The following FTSJ3 variants were observed in gnomAD, a reference collection of about 807,000 sequenced individuals.
The protein encoded by FTSJ3 is FtsJ RNA 2'-O-methyltransferase 3, also known as pre-rRNA 2'-O-ribose RNA methyltransferase FTSJ3.
FTSJ3 carries 46 observed loss-of-function variants against 111.5 expected under a neutral mutation model. That is an observed-to-expected ratio of 0.41 (90% confidence interval 0.33 to 0.53). The LOEUF (loss-of-function observed/expected upper bound fraction) is 0.53, where lower values mean the gene tolerates loss of function less well. Ranked by LOEUF, FTSJ3 falls within the 20% of genes least tolerant of loss-of-function variation. The pLI, the probability that FTSJ3 is intolerant of heterozygous loss-of-function variation, is 0.19. For synonymous variants in FTSJ3, 408 were observed against 383.0 expected (o/e 1.07, Z -0.76); for missense variants, 1,075 against 1,063.8 (o/e 1.01, Z -0.15).
chr17:63,826,910 AG>A lies in FTSJ3; in HGVS notation c.-9del, dbSNP rs779021012. 11 of 1,612,546 alleles carry A rather than the reference AG, an allele frequency of 6.8e-6. No individual in the cohort carries two copies. The highest frequency in any genetic ancestry group is 9.3e-6 in the Non-Finnish European group (11 of 1,178,720). On this transcript the variant is annotated 5_prime_UTR_variant, in exon 2 of 21. Transcript: ENST00000427159. The stretch of plus-strand genomic sequence containing the variant: ...TTTGCCCTTCTTGCCCATGGTGGAA[AG>A]GGGGAGTATCCCTCAATCTGGGGAG...
rs760234926 is a variant in FTSJ3, at chr17:63,820,103, C to T, written c.2327G>A (p.Arg776Gln). The T allele has an allele frequency of 1.2e-5, 20 of 1,614,130 alleles. No homozygotes were observed. The highest frequency in any genetic ancestry group is 2.2e-5 in the East Asian group (1 of 44,874). The change falls in exon 20 of 21, where the codon CGA (arginine) becomes CAA (glutamine). Residue 776 changes from arginine to glutamine, a missense_variant. Around this residue, in one of 2 missense-constraint regions of FTSJ3, gnomAD observed 867 missense variants for 796.9 expected, o/e 1.09. Coordinates refer to ENST00000427159, the MANE Select transcript of FTSJ3 (RefSeq NM_017647.4). ...CCTTCGCAGCTGTGCCACTTTCTCT[C>T]GTTCTGAGATGTCCACTGTGTTCAC... ...AVVNTVDISE[R>Q]EKVAQLRSLY...
rs755840451 is a variant in FTSJ3 at position 63,824,816 on chromosome 17, G to A, written c.816+9C>T. ...GGCTACCTCATGTCCCTCAAGGCTG[G>A]AGACTCACTTCGCTGGCCTTGGAGA... On this transcript the variant is annotated intron_variant, in intron 9 of 20. Transcript: ENST00000427159. 2.5e-6 allele frequency: 4 copies of A among 1,611,480 alleles called. No individual in the cohort carries two copies. In the South Asian group the frequency reaches 4.4e-5, roughly 18 times the overall value.
chr17:63,825,939 G>A, intron 5 of FTSJ3, 117 bp downstream of exon 5: 1 of 812,598 alleles, frequency 1.2e-6, no homozygotes, highest in Non-Finnish European at 2.0e-6. Flanking sequence ...TTGTCGTACA[G>A]ATGTCAGGCA....
At chr17:63,821,955 A>C (rs1598349197) in intron 14 of FTSJ3, 29 bp downstream of exon 14, 1 of 1,612,856 alleles carries the variant, frequency 6.2e-7, no homozygotes, top group Non-Finnish European at 8.5e-7. Context: ...GAGTGGCAGC[A>C]TTCCCTTTGG....
In FTSJ3 at chr17:63,824,452, T is replaced by C. The variant is rs2040079090; in HGVS notation, c.918-41A>G. The C allele has an allele frequency of 2.5e-6, 4 of 1,601,970 alleles. No homozygotes were observed. In the East Asian group the frequency reaches 8.9e-5, roughly 36 times the overall value. On this transcript the variant is annotated intron_variant, in intron 10 of 20. Transcript: ENST00000427159. The stretch of plus-strand genomic sequence containing the variant: ...TATTACTGATCTTGCCATCTCCCTC[T>C]TTGTCCCCGCCCCCTTCTGTTTTAG...
rs2727287 is a variant in FTSJ3, at chr17:63,827,368, G to A, written c.-343C>T. 879,542 of 1,386,338 alleles carry A rather than the reference G, an allele frequency of 0.63. 283,208 individuals are homozygous for A. The highest frequency in any genetic ancestry group is 0.9 in the African/African-American group (62,703 of 69,816). The allele number at this position is 1,386,338 out of a possible 1,614,324, so 85.9% of individuals were successfully genotyped here. A position where few individuals can be genotyped will look rare whatever the true frequency, so the allele number is the denominator to read the frequency against. ...ATCATGGTTCCCTTAGTGTGGTCTC[G>A]CCGCACACCCCGCCCATTGACCCGG... On this transcript the variant is annotated 5_prime_UTR_variant, in exon 1 of 21. Coordinates refer to ENST00000427159, the MANE Select transcript of FTSJ3 (RefSeq NM_017647.4).
At chr17:63,822,301 G>A in intron 13 of FTSJ3, 133 bp from the exon 14 acceptor site, 1 of 742,364 alleles carries the variant, frequency 1.3e-6, no homozygotes, top group Admixed American at 2.7e-5. Context: ...TTTCACAGAT[G>A]GGAAAGCTCA....
At position 63,820,420 on chromosome 17, in the gene FTSJ3, ATCC is replaced by A. The variant is rs1331787898; in HGVS notation, c.2088_2090del (p.Glu696del). On this transcript the variant is annotated inframe_deletion, in exon 19 of 21. Coordinates refer to ENST00000427159, the MANE Select transcript of FTSJ3 (RefSeq NM_017647.4). ...CAAACCACTCCGGAAGCTCCCCCTCATCCTCATTAAATGTGTACCTGAGTGGAA... is the reference window on the plus strand; with the variant it reads ...CAAACCACTCCGGAAGCTCCCCCTCATCATTAAATGTGTACCTGAGTGGAA... 14 of 1,613,790 alleles carry A rather than the reference ATCC, an allele frequency of 8.7e-6. No individual in the cohort carries two copies. The highest frequency in any genetic ancestry group is 1.2e-5 in the Non-Finnish European group (14 of 1,179,964).
In FTSJ3 at chr17:63,825,047, CCTTTGGCTTCTT is replaced by C; in HGVS notation, c.700_711del (p.Lys234_Lys237del). 6.2e-7 allele frequency: 1 copy of C among 1,613,354 alleles called. No homozygotes were observed. Among genetic ancestry groups the C allele is most frequent in the Non-Finnish European group, 8.5e-7 (1 of 1,179,250 alleles). Reference sequence around the variant, plus strand: ...GAGTGACCCCATTCCCCAAAACACACCTTTGGCTTCTTCTTAGTAACCAATTCAGTAACGGTC... The same window carrying C: ...GAGTGACCCCATTCCCCAAAACACACCTTAGTAACCAATTCAGTAACGGTC... On this transcript the variant is annotated inframe_deletion and splice_region_variant, in exon 8 of 21. Coordinates refer to ENST00000427159, the MANE Select transcript of FTSJ3 (RefSeq NM_017647.4).
Position 63,827,538 on chromosome 17 carries a change from C to T in FTSJ3, c.-513G>A. ...AGGTATGGCGGGTGCAGTGGCGGCC[C>T]GGCAGGTTACGGGGCTGGGTGCGGA... is the stretch of plus-strand genomic sequence containing the variant. On this transcript the variant is annotated 5_prime_UTR_variant, in exon 1 of 21. Coordinates refer to ENST00000427159, the MANE Select transcript of FTSJ3 (RefSeq NM_017647.4). 1.3e-6 allele frequency: 2 copies of T among 1,551,566 alleles called. No homozygotes were observed. Among genetic ancestry groups the T allele is most frequent in the East Asian group, 4.9e-5 (2 of 40,904 alleles).
Position 63,826,097 on chromosome 17 carries a change from C to T in FTSJ3, c.259G>A (p.Val87Met). The change falls in exon 5 of 21, where the codon GTG becomes ATG. Residue 87 changes from valine to methionine, a missense_variant. Val to Met is a conservative substitution (Grantham distance 21). Transcript: ENST00000427159. ...LVPIKPLPNVVTLQQDITTER... is the reference protein window; with the variant it reads ...LVPIKPLPNVMTLQQDITTER... ...GTTGTGATGTCCTGCTGGAGAGTCA[C>T]CACATTGGGGAGAGGCTTGATTGGA... The T allele has an allele frequency of 6.2e-7, 1 of 1,613,824 alleles. No individual in the cohort carries two copies. The highest frequency in any genetic ancestry group is 2.2e-5 in the East Asian group (1 of 44,882).
In FTSJ3 at chr17:63,825,236, G is replaced by A. The variant is rs772182109; in HGVS notation, c.595+6C>T. On this transcript the variant is annotated splice_donor_region_variant and intron_variant, in intron 7 of 20. Coordinates refer to ENST00000427159, the MANE Select transcript of FTSJ3 (RefSeq NM_017647.4). ...CCTGGATCAAGAGAAAGGAAATGAT[G>A]CCCACCTTGGCAGACTACAAAGATC... is the stretch of plus-strand genomic sequence containing the variant. 1.9e-6 allele frequency: 3 copies of A among 1,614,086 alleles called. No homozygotes were observed. The highest frequency in any genetic ancestry group is 1.3e-5 in the African/African-American group (1 of 75,024).
In FTSJ3 at chr17:63,826,869, G is replaced by A; in HGVS notation, c.34C>T (p.Arg12Ter). ...GKKGKVGKSR[R>*]DKFYHLAKET... ...TTCGCCAAGTGATAAAACTTGTCTC[G>A]TCGGCTCTTGCCAACTTTGCCCTTC... Residue 12 changes from arginine to a stop codon, truncating the protein, a stop_gained, in exon 2 of 21, where the codon CGA becomes TGA. Coordinates refer to ENST00000427159, the MANE Select transcript of FTSJ3 (RefSeq NM_017647.4). LOFTEE classifies it high-confidence loss of function. The A allele has an allele frequency of 1.2e-6, 2 of 1,614,104 alleles. No homozygotes were observed. Among genetic ancestry groups the A allele is most frequent in the Non-Finnish European group, 1.7e-6 (2 of 1,180,010 alleles).
In FTSJ3 at chr17:63,826,593, C is replaced by T. The variant is rs770296380; in HGVS notation, c.147G>A (p.Leu49=). The part of the protein sequence containing the change: ...FQFLQKARAL[L]DLCAAPGGWL... ...ATCCCCCTGGCGCAGCACACAGGTC[C>T]AGCAAGGCTCGGGCTTTCTGCAGGA... Residue 49 remains leucine (L), a synonymous_variant, in exon 3 of 21, where the codon CTG becomes CTA. Transcript: ENST00000427159. The T allele has an allele frequency of 1.2e-6, 2 of 1,614,064 alleles. No individual in the cohort carries two copies. The highest frequency in any genetic ancestry group is 1.7e-6 in the Non-Finnish European group (2 of 1,179,948).
Position 63,827,458 on chromosome 17 carries a change from T to C in FTSJ3, c.-433A>G. The C allele has an allele frequency of 1.3e-6, 2 of 1,551,740 alleles. No individual in the cohort carries two copies. The highest frequency in any genetic ancestry group is 2.4e-5 in the East Asian group (1 of 40,924). On this transcript the variant is annotated 5_prime_UTR_variant, in exon 1 of 21. Transcript: ENST00000427159. ...TTCCGCGCTTGCGCGCCAAGACGGCTCGGATGCCGGCGGTCTCTGCTGAAG... is the reference window on the plus strand; with the variant it reads ...TTCCGCGCTTGCGCGCCAAGACGGCCCGGATGCCGGCGGTCTCTGCTGAAG...
chr17:63,820,202 T>TGGGCGGG, intron 19 of FTSJ3, 29 bp from the exon 20 acceptor site: 1 of 1,593,212 alleles, frequency 6.3e-7, no homozygotes, highest in Non-Finnish European at 8.6e-7. Context: ...GGTGACCTCT[T>TGGGCGGG]CCCCATCCCC....
chr17:63,824,709 T>C lies in FTSJ3; in HGVS notation c.845A>G (p.Gln282Arg), dbSNP rs756720672. ...TATGTCCTCAGTGGTAGCTGGATGC[T>C]GTGCCAACTCTTCATCATCTACCAT... ...EIMVDDEELA[Q>R]HPATTEDIRV... is the part of the protein sequence containing the mutation. Residue 282 changes from glutamine (Q) to arginine (R), a missense_variant, in exon 10 of 21, where the codon CAG (glutamine) becomes CGG (arginine). Gln to Arg is a conservative substitution (Grantham distance 43). This residue lies in a region of FTSJ3 where 867 missense variants were observed against 796.9 expected (regional missense o/e 1.09). Coordinates refer to ENST00000427159, the MANE Select transcript of FTSJ3 (RefSeq NM_017647.4). The C allele has an allele frequency of 5.6e-6, 9 of 1,614,128 alleles. No homozygotes were observed. Among genetic ancestry groups the C allele is most frequent in the Non-Finnish European group, 7.6e-6 (9 of 1,179,938 alleles).
chr17:63,823,285 T>A (rs1249579836), intron 13 of FTSJ3, among the ~76,000 whole-genome samples: 1 of 152,172 alleles, frequency 6.6e-6, no homozygotes, highest in Non-Finnish European at 1.5e-5. Flanking sequence ...TCTTTTCTGA[T>A]GTTCTAGTTC....
At position 63,820,838 on chromosome 17, in the gene FTSJ3, C is replaced by T; in HGVS notation, c.2072+1G>A. 6.2e-7 allele frequency: 1 copy of T among 1,609,236 alleles called. No individual in the cohort carries two copies. On this transcript the variant is annotated splice_donor_variant, in intron 18 of 20. Coordinates refer to ENST00000427159, the MANE Select transcript of FTSJ3 (RefSeq NM_017647.4). LOFTEE classifies it high-confidence loss of function. ...TCTTGATGAGTTTATGGCCCCTTTA[C>T]CGGTTGAAGGAGTTATCTATGAGGT... is the stretch of plus-strand genomic sequence containing the variant.
Sources: gnomAD v4.1 joint callset for allele counts (sites outside exome capture counted in the v4.1 genomes callset) on GRCh38, gnomAD v4.1.1 for gene constraint, gnomAD v4.1.1 regional missense constraint, MANE v1.5 for transcripts, NCBI Gene and HGNC (gene_info 2026-07-23, HGNC 2026-07-21) for gene names.